Variants in ZNF521 observed in about 807,000 individuals in gnomAD.
The protein encoded by ZNF521 is zinc finger protein 521.
A neutral mutation model predicts 105.5 loss-of-function variants in ZNF521; 14 were observed. The ratio of observed to expected loss-of-function variants is 0.13; its 90% CI spans 0.09 to 0.21. The LOEUF (loss-of-function observed/expected upper bound fraction) is 0.21. Among genes scored for constraint, ZNF521 ranks in the 10% least tolerant of loss-of-function variants. The pLI, the probability that ZNF521 is intolerant of heterozygous loss-of-function variation, is 1.00. For missense variants in ZNF521, 1,233 were observed against 1,629.7 expected (o/e 0.76, Z 4.19); for synonymous variants, 635 against 606.0 (o/e 1.05, Z -0.70).
At chr18:25,308,439 T>TCTCTC (rs1466777192) in intron 3 of ZNF521, among the ~76,000 whole-genome samples, 1 of 152,134 alleles carries the variant, frequency 6.6e-6, no homozygotes, top group African/African-American at 2.4e-5. Flanking sequence ...ACATTCTTAT[T>TCTCTC]CTCTCATTAA....
intron 4 of ZNF521, among the ~76,000 whole-genome samples, chr18:25,206,309 C>T (rs1369913210): frequency 3.9e-5 from 6 of 152,072 alleles, no homozygotes; most frequent in Admixed American, 6.6e-5. Flanking sequence ...CCACCGCGCC[C>T]GGCCCATTTT....
At chr18:25,344,204 T>TAA (rs200619989) in intron 2 of ZNF521, among the ~76,000 whole-genome samples, 12,614 of 141,232 alleles carry the variant, frequency 0.089, 692 homozygotes, top group Middle Eastern at 0.17. Flanking sequence ...AGTTTTTTAT[T>TAA]AAAAAAAAAA....
intron 5 of ZNF521, among the ~76,000 whole-genome samples, chr18:25,182,698 G>A (rs958398365): frequency 1.6e-4 from 24 of 152,096 alleles, no homozygotes; most frequent in African/African-American, 3.9e-4. Context: ...TCAGCAAGCC[G>A]TGTTTTACAG....
At chr18:25,205,141 T>TAAAA (rs34563599) in intron 4 of ZNF521, among the ~76,000 whole-genome samples, 40 of 74,912 alleles carry the variant, frequency 5.3e-4, no homozygotes, top group Middle Eastern at 8.6e-3. Context: ...GTAGTGAAGG[T>TAAAA]AAAAAAAAAA....
intron 3 of ZNF521, among the ~76,000 whole-genome samples, chr18:25,294,123 T>G (rs978654853): frequency 6.6e-5 from 10 of 152,234 alleles, no homozygotes; most frequent in Admixed American, 6.5e-4. Context: ...TGGATAATAC[T>G]CTGCAGTGCT....
At chr18:25,193,832 G>C (rs1180132811) in intron 5 of ZNF521, among the ~76,000 whole-genome samples, 1 of 151,870 alleles carries the variant, frequency 6.6e-6, no homozygotes, top group African/African-American at 2.4e-5. Context: ...GGAAAATACA[G>C]AGATGAATTG....
At chr18:25,095,942 G>C (rs1371926804) in intron 5 of ZNF521, among the ~76,000 whole-genome samples, 1 of 152,118 alleles carries the variant, frequency 6.6e-6, no homozygotes, top group Non-Finnish European at 1.5e-5. Context: ...TAGCAATGGG[G>C]GTCCAGTGTC....
At chr18:25,106,726 C>A (rs570793909) in intron 5 of ZNF521, among the ~76,000 whole-genome samples, 6 of 152,118 alleles carry the variant, frequency 3.9e-5, no homozygotes, top group Non-Finnish European at 8.8e-5. Flanking sequence ...TAGTCACCCA[C>A]TACATCTTTT....
rs143054932 is a variant in ZNF521, at chr18:25,078,218, G to A, written c.3906+11247C>T. ...AAGCTGCCCTCCTGTTGCCTGCCTC[G>A]GAACAGAACGAAATGAGCAGCCTCT... On this transcript the variant is annotated intron_variant, in intron 7 of 7. Coordinates refer to ENST00000361524, the MANE Select transcript of ZNF521 (RefSeq NM_015461.3). Among the ~76,000 whole-genome samples the A allele has an allele frequency of 5.8e-3, 887 of 152,268 alleles. 3 individuals are homozygous for A. The highest frequency in any genetic ancestry group is 9.8e-3 in the Non-Finnish European group (664 of 68,024).
At chr18:25,215,823 C>T (rs1359697375) in intron 4 of ZNF521, among the ~76,000 whole-genome samples, 4 of 152,120 alleles carry the variant, frequency 2.6e-5, no homozygotes, top group African/African-American at 9.7e-5. Flanking sequence ...GCACCTGCTC[C>T]CACATTCCAA....
chr18:25,302,902 T>C (rs1040866310), intron 3 of ZNF521: 3 of 152,196 alleles, frequency 2.0e-5, no homozygotes, highest in South Asian at 2.1e-4. Flanking sequence ...ACGAAAAAAA[T>C]CGTGAGCAAT....
At chr18:25,115,299 G>A (rs1380566547) in intron 5 of ZNF521, among the ~76,000 whole-genome samples, 1 of 152,138 alleles carries the variant, frequency 6.6e-6, no homozygotes, top group Non-Finnish European at 1.5e-5. Context: ...TAAATAATAC[G>A]ATCATGGCAG....
intron 5 of ZNF521, among the ~76,000 whole-genome samples, chr18:25,173,978 G>A (rs1318043520): frequency 3.9e-5 from 6 of 151,920 alleles, no homozygotes; most frequent in Non-Finnish European, 8.8e-5. Context: ...TATGTTTTCC[G>A]AAAGACTGAA....
At chr18:25,284,980 T>G (rs1035025848) in intron 3 of ZNF521, among the ~76,000 whole-genome samples, 12 of 151,548 alleles carry the variant, frequency 7.9e-5, no homozygotes, top group African/African-American at 2.9e-4. Flanking sequence ...CATCTAAAAT[T>G]TCATTAAAAA....
At chr18:25,269,503 CGT>C (rs1909497304) in intron 3 of ZNF521, among the ~76,000 whole-genome samples, 1 of 152,186 alleles carries the variant, frequency 6.6e-6, no homozygotes, top group African/African-American at 2.4e-5. Context: ...CTCAGCACCA[CGT>C]AGCACTTATT....
At chr18:25,248,784 A>G (rs755126650) in intron 3 of ZNF521, among the ~76,000 whole-genome samples, 3 of 152,340 alleles carry the variant, frequency 2.0e-5, no homozygotes, top group Non-Finnish European at 4.4e-5. Flanking sequence ...TAAAAACTCA[A>G]GTACTGAGCA....
chr18:25,099,828 G>A (rs2033930708), intron 5 of ZNF521, among the ~76,000 whole-genome samples: 1 of 152,158 alleles, frequency 6.6e-6, no homozygotes, highest in African/African-American at 2.4e-5. Flanking sequence ...TTACCTTTGA[G>A]TACTGTACAA....
chr18:25,295,768 T>C (rs1911288575), intron 3 of ZNF521, among the ~76,000 whole-genome samples: 1 of 152,236 alleles, frequency 6.6e-6, no homozygotes, highest in African/African-American at 2.4e-5. Flanking sequence ...TGAATATACA[T>C]GTACATGTAC....
At chr18:25,234,680 G>A (rs1600190773) in intron 3 of ZNF521, among the ~76,000 whole-genome samples, 1 of 152,038 alleles carries the variant, frequency 6.6e-6, no homozygotes, top group Non-Finnish European at 1.5e-5. Flanking sequence ...CTACTGCTAT[G>A]AAAGCCAAAG....
Sources: gnomAD v4.1 joint callset for allele counts (sites outside exome capture counted in the v4.1 genomes callset) on GRCh38, gnomAD v4.1.1 for gene constraint, MANE v1.5 for transcripts, NCBI Gene and HGNC (gene_info 2026-07-23, HGNC 2026-07-21) for gene names.